Variants in SUPT7L observed in about 807,000 individuals in gnomAD.
SUPT7L encodes the protein STAGA complex 65 subunit gamma.
Under a neutral mutation model 35.7 loss-of-function variants are expected in SUPT7L, and 15 were observed. That is an observed-to-expected ratio of 0.42 (90% CI 0.28 to 0.65). The LOEUF (loss-of-function observed/expected upper bound fraction) is 0.65. Among genes scored for constraint, SUPT7L ranks in the 30% least tolerant of loss-of-function variants. SUPT7L has a pLI of 0.23. For synonymous variants in SUPT7L, 168 were observed against 186.2 expected, an observed-to-expected ratio of 0.90 and a Z score of 0.79; for missense variants, 434 against 522.2, an observed-to-expected ratio of 0.83 and a Z score of 1.65.
Position 27,662,598 on chromosome 2 carries a change from C to G in SUPT7L, c.-89-317G>C, listed in dbSNP as rs1433906538. ...ACTTCACCAGTGCATCTCCCTTTCT[C>G]TATTCTCACAGTGCTTTGCAAGTCT... On this transcript the variant is annotated intron_variant, in intron 1 of 5. Coordinates refer to ENST00000337768, the MANE Select transcript of SUPT7L (RefSeq NM_014860.3). Among the ~76,000 whole-genome samples, 3 of 152,292 alleles carry G rather than the reference C, an allele frequency of 2.0e-5. No homozygotes were observed. The East Asian group carries it at 5.8e-4, about 29-fold the overall frequency.
chr2:27,661,089 C>T lies in SUPT7L; in HGVS notation c.314G>A (p.Cys105Tyr). ...KTEESEPLPSCPGSPPLPDDL... is the reference protein window; with the variant it reads ...KTEESEPLPSYPGSPPLPDDL... ...ATCAGGGAGAGGAGGTGACCCAGGG[C>T]ACGAGGGAAGAGGTTCACTCTCTTC... is the stretch of plus-strand genomic sequence containing the variant. Residue 105 changes from cysteine to tyrosine, a missense_variant, in exon 3 of 6, where the codon TGC becomes TAC. Cys to Tyr is a radical substitution (Grantham distance 194). Transcript: ENST00000337768. The T allele has an allele frequency of 1.2e-6, 2 of 1,614,120 alleles. No homozygotes were observed. The highest frequency in any genetic ancestry group is 1.7e-6 in the Non-Finnish European group (2 of 1,180,020).
chr2:27,643,753 T>G, the SUPT7L span, among the ~76,000 whole-genome samples: 1 of 152,232 alleles, frequency 6.6e-6, no homozygotes, highest in Non-Finnish European at 1.5e-5. The surrounding 1 kb of genome is among the most constrained non-coding windows in gnomAD (Gnocchi z 4.0). Flanking sequence ...TTGATTCAGG[T>G]GACTAATTTT....
chr2:27,648,058 G>A (rs190554637), downstream of SUPT7L: 9 of 658,440 alleles, frequency 1.4e-5, no homozygotes, highest in Admixed American at 2.4e-5. Flanking sequence ...AAAGGATACA[G>A]CACCAGAAAA....
At chr2:27,656,517 T>C (rs1674810956) in intron 4 of SUPT7L, among the ~76,000 whole-genome samples, 1 of 152,082 alleles carries the variant, frequency 6.6e-6, no homozygotes, top group Admixed American at 6.6e-5. Flanking sequence ...CCTCAAACAA[T>C]CCTCCCACCT....
chr2:27,649,358 A>G (rs114505823), downstream of SUPT7L, among the ~76,000 whole-genome samples: 3 of 152,052 alleles, frequency 2.0e-5, no homozygotes, highest in Non-Finnish European at 2.9e-5. Flanking sequence ...TTACATGTAA[A>G]TTGCCTTATT....
chr2:27,648,037 T>A (rs919566361), downstream of SUPT7L: 7 of 711,214 alleles, frequency 9.8e-6, no homozygotes, highest in African/African-American at 1.8e-5. Context: ...GTGTAGCCAG[T>A]AATAGTGGAT....
At chr2:27,661,568 T>C in intron 2 of SUPT7L, 180 bp from the exon 3 acceptor site, 1 of 1,429,240 alleles carries the variant, frequency 7.0e-7, no homozygotes, top group Non-Finnish European at 9.1e-7. Flanking sequence ...AAAATGTCAG[T>C]GTCAGCAAAA....
chr2:27,646,464 TATTC>T (rs572190426), downstream of SUPT7L, among the ~76,000 whole-genome samples: 12 of 152,370 alleles, frequency 7.9e-5, no homozygotes, highest in South Asian at 2.3e-3. Flanking sequence ...GATTTCTGTA[TATTC>T]ATCTTTTATC....
downstream of SUPT7L, chr2:27,647,814 C>T (rs763422950): frequency 3.6e-6 from 5 of 1,404,842 alleles, no homozygotes; most frequent in Non-Finnish European, 5.1e-6. Flanking sequence ...AGGCATATCA[C>T]TGATAGGTGT....
chr2:27,643,533 T>C, the SUPT7L span, among the ~76,000 whole-genome samples: 171 of 152,238 alleles, frequency 1.1e-3, no homozygotes, highest in Non-Finnish European at 1.9e-3. The surrounding 1 kb of genome is among the most constrained non-coding windows in gnomAD (Gnocchi z 4.0). Flanking sequence ...AACATATAGA[T>C]CTTATTCAGA....
chr2:27,655,875 A>AT (rs1048479387), intron 4 of SUPT7L, among the ~76,000 whole-genome samples: 12 of 152,146 alleles, frequency 7.9e-5, no homozygotes, highest in African/African-American at 2.4e-4. Flanking sequence ...AAAAGATTAC[A>AT]TTTTTTTGGC....
chr2:27,655,630 A>G (rs1482975662), intron 4 of SUPT7L, 28 bp from the exon 5 acceptor site: 1 of 1,542,112 alleles, frequency 6.5e-7, no homozygotes, highest in Non-Finnish European at 8.7e-7. Context: ...TCAATTTTCC[A>G]AGGAAATGTT....
At position 27,653,191 on chromosome 2, in the gene SUPT7L, A is replaced by G. The variant is rs1674636404; in HGVS notation, c.*294T>C. ...TCAGTTGTACAAGATAAATGGCTGT[A>G]TAACATGTCTAGTCATAGTTAAGAC... On this transcript the variant is annotated 3_prime_UTR_variant, in exon 6 of 6. Coordinates refer to ENST00000337768, the MANE Select transcript of SUPT7L (RefSeq NM_014860.3). 1 of 403,064 alleles carries G rather than the reference A, an allele frequency of 2.5e-6. No homozygotes were observed. The highest frequency in any genetic ancestry group is 4.6e-6 in the Non-Finnish European group (1 of 218,334). 25.0% of individuals were successfully genotyped at this position (403,064 alleles called of 1,614,324 possible).
In SUPT7L at chr2:27,655,600, A is replaced by T; in HGVS notation, c.747T>A (p.Ile249=). The T allele has an allele frequency of 6.4e-7, 1 of 1,574,148 alleles. No individual in the cohort carries two copies. The change falls in exon 5 of 6, where the codon ATT becomes ATA. Residue 249 remains isoleucine (I), a splice_region_variant and synonymous_variant. Transcript: ENST00000337768. ...CATATTCTTCAGAGAGTTGCTTACTAATCTGTTGGCAAGCAAGAGTCAATT... is the reference window on the plus strand; with the variant it reads ...CATATTCTTCAGAGAGTTGCTTACTTATCTGTTGGCAAGCAAGAGTCAATT... The part of the protein sequence containing the change: ...IKDYHSYMLQ[I]SKQLSEEYER...
At position 27,653,078 on chromosome 2, in the gene SUPT7L, T is replaced by C. The variant is rs780806001; in HGVS notation, c.*407A>G. Reference sequence around the variant, plus strand: ...AAAACTGACATCTGATATGAGCATATATTATTAGTCTATTCAAGCACAGTT... The same window carrying C: ...AAAACTGACATCTGATATGAGCATACATTATTAGTCTATTCAAGCACAGTT... On this transcript the variant is annotated 3_prime_UTR_variant, in exon 6 of 6. Coordinates refer to ENST00000337768, the MANE Select transcript of SUPT7L (RefSeq NM_014860.3). 4 of 181,682 alleles carry C rather than the reference T, an allele frequency of 2.2e-5. No homozygotes were observed. Among genetic ancestry groups the C allele is most frequent in the Non-Finnish European group, 4.7e-5 (4 of 84,618 alleles). The allele number at this position is 181,682 out of a possible 1,614,324, so 11.3% of individuals were successfully genotyped here.
intron 3 of SUPT7L, among the ~76,000 whole-genome samples, chr2:27,658,902 C>T (rs1029014716): frequency 4.6e-5 from 7 of 152,022 alleles, no homozygotes; most frequent in African/African-American, 1.7e-4. Context: ...TTTTTGGTGC[C>T]CCCATAACTG....
intron 2 of SUPT7L, 128 bp from the exon 3 acceptor site, chr2:27,661,516 CA>C: frequency 6.8e-7 from 1 of 1,477,684 alleles, no homozygotes; most frequent in Non-Finnish European, 8.9e-7. Flanking sequence ...GAGGTCTAGC[CA>C]GTTATTTATG....
intron 1 of SUPT7L, 63 bp from the exon 2 acceptor site, chr2:27,662,344 T>G: frequency 1.2e-6 from 1 of 826,520 alleles, no homozygotes; most frequent in East Asian, 2.6e-5. Context: ...AGTACTGTTC[T>G]AGAGGTATAT....
chr2:27,647,575 G>GT (rs1247469624), downstream of SUPT7L, among the ~76,000 whole-genome samples: 1 of 152,140 alleles, frequency 6.6e-6, no homozygotes, highest in Non-Finnish European at 1.5e-5. Flanking sequence ...GATGCTACTA[G>GT]TAAGACAAGC....
Sources: allele counts gnomAD v4.1 joint callset (sites outside exome capture counted in the v4.1 genomes callset), GRCh38; gene constraint gnomAD v4.1.1; non-coding constraint Gnocchi (gnomAD v3.1); transcripts MANE v1.5; gene names NCBI Gene and HGNC (gene_info 2026-07-23, HGNC 2026-07-21).